Variants in FOXN3 observed in about 807,000 individuals in gnomAD.
FOXN3 encodes the protein forkhead box protein N3.
A neutral mutation model predicts 38.4 loss-of-function variants in FOXN3; 7 were observed. That is an observed-to-expected ratio of 0.18 (90% confidence interval 0.10 to 0.34). The LOEUF is 0.34. Among genes scored for constraint, FOXN3 ranks in the 10% least tolerant of loss-of-function variants. FOXN3 has a pLI of 1.00. For synonymous variants in FOXN3, 230 were observed against 242.2 expected (o/e 0.95, Z 0.47); for missense variants, 456 against 613.4 (o/e 0.74, Z 2.71).
chr14:89,397,484 G>A (rs151232946), intron 2 of FOXN3, among the ~76,000 whole-genome samples: 1 of 150,970 alleles, frequency 6.6e-6, no homozygotes, highest in East Asian at 2.0e-4. Flanking sequence ...GGAGACCGAG[G>A]CTCTGCAAGA....
intron 2 of FOXN3, among the ~76,000 whole-genome samples, chr14:89,408,688 C>T (rs1432901063): frequency 6.6e-6 from 1 of 151,496 alleles, no homozygotes; most frequent in Non-Finnish European, 1.5e-5. Flanking sequence ...TCCACATTTT[C>T]ACTGCTACGT....
At chr14:89,266,343 T>C (rs1885978367) in intron 4 of FOXN3, among the ~76,000 whole-genome samples, 1 of 152,174 alleles carries the variant, frequency 6.6e-6, no homozygotes, top group South Asian at 2.1e-4. Flanking sequence ...GTATCTCTTC[T>C]TACAAAGACA....
At chr14:89,208,000 G>A (rs1446578406) in intron 4 of FOXN3, among the ~76,000 whole-genome samples, 1 of 152,182 alleles carries the variant, frequency 6.6e-6, no homozygotes, top group Non-Finnish European at 1.5e-5. Flanking sequence ...GGTTGGGGTT[G>A]GGGGAGTCTA....
At chr14:89,402,286 G>A (rs1052755342) in intron 2 of FOXN3, among the ~76,000 whole-genome samples, 4 of 152,184 alleles carry the variant, frequency 2.6e-5, no homozygotes, top group African/African-American at 7.2e-5. Flanking sequence ...CTTTACTTAA[G>A]TTACCAATGC....
In FOXN3 at chr14:89,555,838, GGTGTGTGTGTGT is replaced by G. The variant is rs201016882; in HGVS notation, c.-15+63178_-15+63189del. Among the ~76,000 whole-genome samples the G allele has an allele frequency of 5.8e-3, 523 of 89,700 alleles. 7 individuals carry two copies. Among genetic ancestry groups the G allele is most frequent in the African/African-American group, 0.015 (499 of 33,242 alleles). 58.8% of individuals were successfully genotyped at this position (89,700 alleles called of 152,430 possible). ...TCATAAAGCTTACCTTCTAGTTCATGGTGTGTGTGTGTGTGTGTGTGTGTGTGTGTGTGTGTG... is the reference window on the plus strand; with the variant it reads ...TCATAAAGCTTACCTTCTAGTTCATGGTGTGTGTGTGTGTGTGTGTGTGTG... On this transcript the variant is annotated intron_variant, in intron 1 of 6. Transcript: ENST00000345097.
At chr14:89,283,324 A>T (rs561971805) in intron 3 of FOXN3, among the ~76,000 whole-genome samples, 1 of 152,142 alleles carries the variant, frequency 6.6e-6, no homozygotes, top group Non-Finnish European at 1.5e-5. Flanking sequence ...CCTGGCTCCA[A>T]ACTCCTCTGA....
intron 1 of FOXN3, among the ~76,000 whole-genome samples, chr14:89,538,381 G>C (rs1894730152): frequency 6.6e-6 from 1 of 152,186 alleles, no homozygotes; most frequent in African/African-American, 2.4e-5. Flanking sequence ...ATAAGAAACA[G>C]GGCACTGATA....
chr14:89,181,472 T>C (rs776491668), intron 4 of FOXN3, among the ~76,000 whole-genome samples: 1 of 152,190 alleles, frequency 6.6e-6, no homozygotes, highest in African/African-American at 2.4e-5. Context: ...CTACTTGGCA[T>C]CTCAGCACGC....
chr14:89,378,519 A>G (rs571431108), intron 2 of FOXN3, among the ~76,000 whole-genome samples: 1 of 152,260 alleles, frequency 6.6e-6, no homozygotes, highest in Non-Finnish European at 1.5e-5. Flanking sequence ...TTTCAAATAT[A>G]TATTAAAGTC....
chr14:89,336,316 C>T (rs974127954), intron 3 of FOXN3, among the ~76,000 whole-genome samples: 1 of 152,086 alleles, frequency 6.6e-6, no homozygotes, highest in African/African-American at 2.4e-5. Context: ...CCATGGCTCT[C>T]CCTCTAATTG....
chr14:89,411,463 C>A (rs972387562), intron 2 of FOXN3, among the ~76,000 whole-genome samples: 2 of 152,148 alleles, frequency 1.3e-5, no homozygotes, highest in South Asian at 2.1e-4. Flanking sequence ...CATCACTGTC[C>A]ACTTATGCCA....
intron 4 of FOXN3, among the ~76,000 whole-genome samples, chr14:89,205,239 C>G (rs1004293013): frequency 1.3e-5 from 2 of 151,876 alleles, no homozygotes; most frequent in Non-Finnish European, 2.9e-5. Flanking sequence ...CCCAAAATTC[C>G]TATGTTGAAA....
intron 4 of FOXN3, among the ~76,000 whole-genome samples, chr14:89,206,935 T>C (rs1387942440): frequency 6.6e-6 from 1 of 151,946 alleles, no homozygotes; most frequent in Non-Finnish European, 1.5e-5. Flanking sequence ...GGGGAAGAGA[T>C]TTAGAGGGGA....
At position 89,556,638 on chromosome 14, in the gene FOXN3, C is replaced by G. The variant is rs1300311991; in HGVS notation, c.-15+62390G>C. Among the ~76,000 whole-genome samples the G allele has an allele frequency of 5.3e-5, 8 of 152,172 alleles. No individual in the cohort carries two copies. The South Asian group carries it at 1.0e-3, about 20-fold the overall frequency. On this transcript the variant is annotated intron_variant, in intron 1 of 6. Transcript: ENST00000345097. ...CTCCTAGGAAGGGGTAAGGGAGGAG[C>G]CTCCCAGGAGGGCAAAGAATGTACC...
chr14:89,356,679 C>T (rs1374266571), intron 2 of FOXN3: 1 of 152,120 alleles, frequency 6.6e-6, no homozygotes, highest in Non-Finnish European at 1.5e-5. Context: ...TTCATTCATT[C>T]CTTCATTCAT....
intron 3 of FOXN3, chr14:89,291,270 G>T: frequency 2.2e-6 from 1 of 446,824 alleles, no homozygotes. Context: ...TTGGACTTCT[G>T]AATCTTTTCT....
intron 1 of FOXN3, among the ~76,000 whole-genome samples, chr14:89,597,604 T>TTG (rs1233348691): frequency 7.3e-5 from 11 of 151,702 alleles, no homozygotes; most frequent in Non-Finnish European, 1.2e-4. Context: ...GGTCTTATAA[T>TTG]TGTGTGTGTG....
intron 4 of FOXN3, among the ~76,000 whole-genome samples, chr14:89,209,884 C>T (rs367851306): frequency 2.0e-5 from 3 of 152,156 alleles, no homozygotes; most frequent in Non-Finnish European, 2.9e-5. Context: ...TATACCAATG[C>T]GGATGCACTG....
intron 1 of FOXN3, among the ~76,000 whole-genome samples, chr14:89,425,073 T>TTC (rs1481317333): frequency 1.4e-5 from 2 of 145,220 alleles, no homozygotes; most frequent in African/African-American, 5.1e-5. Flanking sequence ...TTTTTTTTTT[T>TTC]TTTTTTTTTG....
Sources: gnomAD v4.1 joint callset for allele counts (sites outside exome capture counted in the v4.1 genomes callset) on GRCh38, gnomAD v4.1.1 for gene constraint, MANE v1.5 for transcripts, NCBI Gene and HGNC (gene_info 2026-07-23, HGNC 2026-07-21) for gene names.